EML6: variants seen among roughly 807,000 people sequenced by gnomAD.
The protein encoded by EML6 is EMAP like 6.
In EML6, 154 loss-of-function variants were observed where a neutral mutation model predicts 240.1. The observed-to-expected ratio is 0.64, with a 90% CI of 0.56 to 0.73. The LOEUF is 0.73. EML6 is among the 30% of genes least tolerant of loss of function. The pLI, the probability that EML6 is intolerant of heterozygous loss-of-function variation, is 0.00. For missense variants in EML6, 2,964 were observed against 2,474.6 expected (o/e 1.20, Z -4.20); for synonymous variants, 1,148 against 899.0 (o/e 1.28, Z -4.95).
intron 17 of EML6, chr2:54,882,688 C>G (rs1671883819): frequency 6.6e-6 from 1 of 151,508 alleles, no homozygotes; most frequent in Non-Finnish European, 1.5e-5. Flanking sequence ...GAAACCCCGT[C>G]TCTACTAAAA....
At chr2:54,792,709 AAG>A (rs1669519634) in intron 2 of EML6, among the ~76,000 whole-genome samples, 1 of 152,240 alleles carries the variant, frequency 6.6e-6, no homozygotes, top group Non-Finnish European at 1.5e-5. Context: ...ACTGCTAAAA[AAG>A]TTTATTTGAA....
chr2:54,887,545 T>C (rs1011691322), intron 17 of EML6, among the ~76,000 whole-genome samples: 1 of 152,236 alleles, frequency 6.6e-6, no homozygotes, highest in African/African-American at 2.4e-5. Flanking sequence ...ATTAATCTTT[T>C]ATTGCTTTAA....
chr2:54,829,558 AC>A (rs1376249332), intron 7 of EML6, 81 bp downstream of exon 7: 25 of 1,153,454 alleles, frequency 2.2e-5, no homozygotes, highest in Non-Finnish European at 2.7e-5. Context: ...GTTTCTCTGT[AC>A]CCCATTTTAA....
chr2:54,858,883 C>T (rs184642979), intron 11 of EML6, among the ~76,000 whole-genome samples: 18 of 152,180 alleles, frequency 1.2e-4, no homozygotes, highest in Non-Finnish European at 2.5e-4. Context: ...ATTTGACCTC[C>T]TGAAATCTAC....
intron 28 of EML6, among the ~76,000 whole-genome samples, chr2:54,930,608 C>T (rs1433032702): frequency 6.6e-6 from 1 of 151,870 alleles, no homozygotes; most frequent in Non-Finnish European, 1.5e-5. Flanking sequence ...AAAAAATTCA[C>T]ACCAGGATTT....
At chr2:54,767,058 A>G (rs945745523) in intron 2 of EML6, among the ~76,000 whole-genome samples, 2 of 152,194 alleles carry the variant, frequency 1.3e-5, no homozygotes, top group African/African-American at 4.8e-5. Context: ...GAAAAAAATA[A>G]TATCTAGAAA....
chr2:54,805,972 T>A (rs998782835), intron 2 of EML6, among the ~76,000 whole-genome samples: 1 of 152,198 alleles, frequency 6.6e-6, no homozygotes, highest in Admixed American at 6.5e-5. Context: ...AATGTGGGTC[T>A]CTCTATGGAT....
intron 28 of EML6, among the ~76,000 whole-genome samples, chr2:54,946,859 T>G (rs577827568): frequency 6.0e-5 from 9 of 150,876 alleles, no homozygotes; most frequent in Non-Finnish European, 1.2e-4. Context: ...TGTAAACATA[T>G]GCTTGCGAAA....
chr2:54,847,686 T>C (rs1312413113), intron 9 of EML6, 63 bp downstream of exon 9: 11 of 1,524,858 alleles, frequency 7.2e-6, no homozygotes, highest in South Asian at 2.4e-5. Flanking sequence ...ACAATTTTCC[T>C]GGTCATAATA....
intron 25 of EML6, among the ~76,000 whole-genome samples, chr2:54,915,406 C>T (rs763696720): frequency 7.2e-5 from 11 of 152,072 alleles, no homozygotes; most frequent in Admixed American, 2.0e-4. Context: ...AGCATGCTTC[C>T]AGAACCAGCA....
chr2:54,730,135 T>G (rs977938379), intron 2 of EML6, among the ~76,000 whole-genome samples: 1 of 149,408 alleles, frequency 6.7e-6, no homozygotes, highest in East Asian at 1.9e-4. Flanking sequence ...AGGCCCTGTC[T>G]CAAGAAAAAA....
At chr2:54,936,198 A>G (rs10153785) in intron 28 of EML6, among the ~76,000 whole-genome samples, 49,411 of 152,114 alleles carry the variant, frequency 0.32, 8,389 homozygotes, top group African/African-American at 0.35. Context: ...TCAGTTTTGT[A>G]TACTGTGGTA....
At chr2:54,841,137 G>C (rs1469298858) in intron 7 of EML6, among the ~76,000 whole-genome samples, 3 of 152,266 alleles carry the variant, frequency 2.0e-5, no homozygotes, top group Non-Finnish European at 4.4e-5. Flanking sequence ...GCGCAAGGCC[G>C]TGTGGTTCTC....
At chr2:54,933,445 T>A (rs1674965299) in intron 28 of EML6, among the ~76,000 whole-genome samples, 1 of 152,126 alleles carries the variant, frequency 6.6e-6, no homozygotes, top group African/African-American at 2.4e-5. Flanking sequence ...AAAACTATTC[T>A]ATATATAGGC....
At chr2:54,790,858 T>C (rs1268022222) in intron 2 of EML6, among the ~76,000 whole-genome samples, 1 of 151,646 alleles carries the variant, frequency 6.6e-6, no homozygotes, top group Non-Finnish European at 1.5e-5. Context: ...CCCGAGTAGC[T>C]GGGACTACAG....
intron 2 of EML6, among the ~76,000 whole-genome samples, chr2:54,773,530 C>T (rs1668482949): frequency 6.6e-6 from 1 of 152,232 alleles, no homozygotes; most frequent in Non-Finnish European, 1.5e-5. Context: ...AGACATTATT[C>T]ATCTTTGGAG....
intron 2 of EML6, among the ~76,000 whole-genome samples, chr2:54,784,434 T>C (rs1668988143): frequency 6.6e-6 from 1 of 152,178 alleles, no homozygotes; most frequent in South Asian, 2.1e-4. Flanking sequence ...TTTTCAAAAG[T>C]GTTATAAGAC....
At chr2:54,789,593 T>C (rs902144105) in intron 2 of EML6, among the ~76,000 whole-genome samples, 1 of 148,456 alleles carries the variant, frequency 6.7e-6, no homozygotes, top group African/African-American at 2.5e-5. Context: ...GGGACGTAAC[T>C]GGCCCACCTG....
At chr2:54,958,710 G>A (rs574828914) in intron 33 of EML6, among the ~76,000 whole-genome samples, 14 of 152,272 alleles carry the variant, frequency 9.2e-5, no homozygotes, top group African/African-American at 2.4e-4. Context: ...CTCAGCCAAT[G>A]CAAGCTCCAA....
Sources: allele counts gnomAD v4.1 joint callset (sites outside exome capture counted in the v4.1 genomes callset), GRCh38; gene constraint gnomAD v4.1.1; transcripts MANE v1.5; gene names NCBI Gene and HGNC (gene_info 2026-07-23, HGNC 2026-07-21).